The following BACH1 variants were observed in gnomAD, a reference collection of about 807,000 sequenced individuals.
The protein encoded by BACH1 is BTB domain and CNC homolog 1.
A neutral mutation model predicts 52.9 loss-of-function variants in BACH1; 35 were observed. The ratio of observed to expected loss-of-function variants is 0.66; its 90% CI spans 0.51 to 0.88. The LOEUF is 0.88. BACH1 is among the 40% of genes least tolerant of loss of function. The probability of loss-of-function intolerance (pLI) is 0.00; values close to 1 mark genes in which losing one functional copy is unlikely to be tolerated. For missense variants in BACH1, 808 were observed against 872.6 expected, an observed-to-expected ratio of 0.93 and a Z score of 0.93; for synonymous variants, 321 against 319.6, an observed-to-expected ratio of 1.00 and a Z score of -0.05.
chr21:29,321,512 G>A lies in BACH1; in HGVS notation c.232G>A (p.Glu78Lys), dbSNP rs1431601788. The A allele has an allele frequency of 1.2e-6, 2 of 1,610,392 alleles. No homozygotes were observed. The highest frequency in any genetic ancestry group is 2.7e-5 in the African/African-American group (2 of 74,852). The stretch of plus-strand genomic sequence containing the variant: ...AGAGCTGAACATTACTCTTCCAGAA[G>A]AGGTGAGAGATCCATGTTTTTGGCA... ...DGELNITLPEEVTVKGFEPLI... is the reference protein window; with the variant it reads ...DGELNITLPEKVTVKGFEPLI... Residue 78 changes from glutamate (E) to lysine (K), a missense_variant and splice_region_variant, in exon 2 of 5, where the codon GAG becomes AAG. Glu to Lys is a moderately conservative substitution (Grantham distance 56, BLOSUM62 1). Coordinates refer to ENST00000286800, the MANE Select transcript of BACH1 (RefSeq NM_001186.4).
intron 1 of BACH1, chr21:29,299,333 C>G (rs370753637): frequency 2.6e-5 from 4 of 151,998 alleles, no homozygotes; most frequent in East Asian, 1.9e-4. Flanking sequence ...GCGGCCCGCC[C>G]GGGCTGTGAC....
intron 1 of BACH1, among the ~76,000 whole-genome samples, chr21:29,317,558 G>T (rs547422973): frequency 6.6e-6 from 1 of 152,130 alleles, no homozygotes; most frequent in Non-Finnish European, 1.5e-5. Flanking sequence ...AGCAAGAAAG[G>T]GGGGCAATGG....
chr21:29,337,042 T>A (rs1337838247), intron 4 of BACH1, among the ~76,000 whole-genome samples: 1 of 152,216 alleles, frequency 6.6e-6, no homozygotes, highest in African/African-American at 2.4e-5. Context: ...TAATTTTTTC[T>A]GATTCAATTT....
chr21:29,349,511 T>C (rs1383212999), downstream of BACH1, among the ~76,000 whole-genome samples: 4 of 152,310 alleles, frequency 2.6e-5, no homozygotes, highest in East Asian at 7.7e-4. Context: ...CGGCGGCTGC[T>C]GCCCACATTT....
intron 1 of BACH1, among the ~76,000 whole-genome samples, chr21:29,304,759 A>G (rs1474364728): frequency 6.6e-6 from 1 of 152,136 alleles, no homozygotes; most frequent in African/African-American, 2.4e-5. Flanking sequence ...TGAGGGTCCT[A>G]TTGAAGAAAT....
chr21:29,326,934 A>G lies in BACH1; in HGVS notation c.1110A>G (p.Lys370=), dbSNP rs766491500. The change falls in exon 3 of 5, where the codon AAA becomes AAG. Residue 370 remains lysine, a synonymous_variant. Coordinates refer to ENST00000286800, the MANE Select transcript of BACH1 (RefSeq NM_001186.4). ...TFGESQDLPL[K]SDLGTREDSS... ...GTGAAAGTCAGGATTTACCTTTGAA[A>G]TCCGACTTGGGCACCAGGGAAGATA... 28 of 1,614,124 alleles carry G rather than the reference A, an allele frequency of 1.7e-5. No homozygotes were observed. Among genetic ancestry groups the G allele is most frequent in the Non-Finnish European group, 2.3e-5 (27 of 1,180,050 alleles).
chr21:29,326,100 C>T lies in BACH1; in HGVS notation c.276C>T (p.Tyr92=). 1 of 1,612,860 alleles carries T rather than the reference C, an allele frequency of 6.2e-7. No individual in the cohort carries two copies. Among genetic ancestry groups the T allele is most frequent in the Non-Finnish European group, 8.5e-7 (1 of 1,179,484 alleles). ...KGFEPLIQFA[Y]TAKLILSKEN... ...TTGAACCTTTAATTCAGTTTGCCTA[C>T]ACTGCTAAACTGATTTTAAGTAAAG... Residue 92 remains tyrosine, a synonymous_variant, in exon 3 of 5, where the codon TAC becomes TAT. Transcript: ENST00000286800.
At chr21:29,342,291 C>A in intron 4 of BACH1, 108 bp from the exon 5 acceptor site, 1 of 1,111,118 alleles carries the variant, frequency 9.0e-7, no homozygotes, top group Non-Finnish European at 1.3e-6. Context: ...GGATAAACTC[C>A]ATGTGATCTT....
chr21:29,359,735 TC>T (rs1414239799), intron 2 of BACH1, among the ~76,000 whole-genome samples: 1 of 151,964 alleles, frequency 6.6e-6, no homozygotes, highest in Admixed American at 6.6e-5. Context: ...GCTACATACC[TC>T]CCTCACAATT....
intron 1 of BACH1, among the ~76,000 whole-genome samples, chr21:29,307,185 A>G (rs1167405133): frequency 6.6e-6 from 1 of 152,218 alleles, no homozygotes; most frequent in Non-Finnish European, 1.5e-5. Flanking sequence ...TCAGGAGTAC[A>G]AACAGGAACA....
intron 1 of BACH1, among the ~76,000 whole-genome samples, chr21:29,309,860 A>G (rs1458423991): frequency 2.0e-5 from 3 of 152,302 alleles, no homozygotes; most frequent in Non-Finnish European, 2.9e-5. Context: ...TTAACACTTC[A>G]TATTTTTCAG....
At chr21:29,316,095 C>T (rs2088783200) in intron 1 of BACH1, among the ~76,000 whole-genome samples, 1 of 152,106 alleles carries the variant, frequency 6.6e-6, no homozygotes, top group South Asian at 2.1e-4. Context: ...CTTTTTCACA[C>T]ATGGAACTTT....
At chr21:29,324,557 TGTGTGTG>T in intron 2 of BACH1, among the ~76,000 whole-genome samples, 1 of 232 alleles carries the variant, frequency 4.3e-3, no homozygotes, top group African/African-American at 6.8e-3. Flanking sequence ...GGATGTACCT[TGTGTGTG>T]TGTGTGTGTG....
At chr21:29,361,429 C>A (rs1024883690) in intron 2 of BACH1, 1 of 151,940 alleles carries the variant, frequency 6.6e-6, no homozygotes, top group Admixed American at 6.6e-5. Context: ...TAGTTGTAGA[C>A]CTTGGAGTGT....
At chr21:29,319,104 G>T (rs964281754) in intron 1 of BACH1, among the ~76,000 whole-genome samples, 4 of 152,186 alleles carry the variant, frequency 2.6e-5, no homozygotes, top group Admixed American at 2.0e-4. Flanking sequence ...GAGCATCACA[G>T]GGCTGTTTTG....
intron 4 of BACH1, among the ~76,000 whole-genome samples, chr21:29,330,201 G>C (rs1257199763): frequency 6.6e-6 from 1 of 152,136 alleles, no homozygotes. Context: ...GTCTTGCTTT[G>C]TCGCCCAGGC....
In BACH1 at chr21:29,326,559, T is replaced by C. The variant is rs2088914165; in HGVS notation, c.735T>C (p.Ser245=). 1 of 1,614,086 alleles carries C rather than the reference T, an allele frequency of 6.2e-7. No homozygotes were observed. Among genetic ancestry groups the C allele is most frequent in the South Asian group, 1.1e-5 (1 of 91,088 alleles). The change falls in exon 3 of 5, where the codon AGT becomes AGC. Residue 245 remains serine (S), a synonymous_variant. Transcript: ENST00000286800. ...ACAGAGTCCGTACTGGGGAATCTAGTGTCAAAGACATTCATGCTTCTGTTC... is the reference window on the plus strand; with the variant it reads ...ACAGAGTCCGTACTGGGGAATCTAGCGTCAAAGACATTCATGCTTCTGTTC... ...GTDRVRTGES[S]VKDIHASVQP... is the part of the protein sequence containing the mutation.
In BACH1 at chr21:29,309,733, CAGA is replaced by C. The variant is rs1259991884; in HGVS notation, c.-61+10784_-61+10786del. 2.0e-5 allele frequency among the ~76,000 whole-genome samples: 3 copies of C among 152,212 alleles called. No homozygotes were observed. The East Asian group carries it at 5.8e-4, about 29-fold the overall frequency. On this transcript the variant is annotated intron_variant, in intron 1 of 4. Coordinates refer to ENST00000286800, the MANE Select transcript of BACH1 (RefSeq NM_001186.4). ...AGGAAGTGTTAAGCCAGGTAATTTA[CAGA>C]AGATCACATGGTTGATGATATCAGT...
Position 29,307,322 on chromosome 21 carries a change from C to T in BACH1, c.-61+8369C>T, listed in dbSNP as rs956622917. On this transcript the variant is annotated intron_variant, in intron 1 of 4. Transcript: ENST00000286800. ...AAGTTTATACAGTATTCTTGTAGTA[C>T]TCCTAACTTTTCTGTTTTGCTGTAT... Among the ~76,000 whole-genome samples the T allele has an allele frequency of 2.0e-5, 3 of 152,166 alleles. 1 individual carries two copies. The highest frequency in any genetic ancestry group is 4.4e-5 in the Non-Finnish European group (3 of 68,032).
Sources: gnomAD v4.1 joint callset for allele counts (sites outside exome capture counted in the v4.1 genomes callset) on GRCh38, gnomAD v4.1.1 for gene constraint, MANE v1.5 for transcripts, NCBI Gene and HGNC (gene_info 2026-07-23, HGNC 2026-07-21) for gene names.